The following GRID2 variants were observed in gnomAD, a reference collection of about 807,000 sequenced individuals.
GRID2 encodes glutamate ionotropic receptor delta type subunit 2, also known as glutamate receptor ionotropic, delta-2.
Under a neutral mutation model 114.8 loss-of-function variants are expected in GRID2, and 33 were observed. The observed-to-expected ratio is 0.29, with a 90% CI of 0.22 to 0.38. The LOEUF is 0.38. Ranked by LOEUF, GRID2 falls within the 10% of genes least tolerant of loss-of-function variation. GRID2 has a pLI of 1.00. For missense variants in GRID2, 1,184 were observed against 1,257.7 expected (o/e 0.94, Z 0.89); for synonymous variants, 505 against 449.9 (o/e 1.12, Z -1.55).
intron 8 of GRID2, among the ~76,000 whole-genome samples, chr4:93,257,997 TATACACACACACAC>T (rs1264093689): frequency 1.8e-4 from 3 of 16,598 alleles, no homozygotes; most frequent in African/African-American, 9.0e-4. Context: ...TATATATATA[TATACACACACACAC>T]ACACACACAC....
chr4:93,097,776 A>G (rs1245058388), intron 3 of GRID2, among the ~76,000 whole-genome samples: 1 of 151,896 alleles, frequency 6.6e-6, no homozygotes, highest in Non-Finnish European at 1.5e-5. Context: ...TCATTTTTAG[A>G]CATTGGACAT....
At chr4:92,915,083 C>T (rs560170246) in intron 2 of GRID2, among the ~76,000 whole-genome samples, 12 of 152,188 alleles carry the variant, frequency 7.9e-5, no homozygotes, top group Admixed American at 3.9e-4. Context: ...GGCACCTCTT[C>T]GCAAGGTGGC....
intron 11 of GRID2, among the ~76,000 whole-genome samples, chr4:93,461,764 G>A (rs969064661): frequency 6.6e-6 from 1 of 152,128 alleles, no homozygotes; most frequent in Admixed American, 6.5e-5. Flanking sequence ...ATGCACGAAT[G>A]AGAGACCAAT....
chr4:92,952,859 T>C (rs1041005933), intron 2 of GRID2, among the ~76,000 whole-genome samples: 1 of 152,150 alleles, frequency 6.6e-6, no homozygotes, highest in Non-Finnish European at 1.5e-5. Flanking sequence ...ACAACAAAAA[T>C]GTACTGTCTC....
At chr4:93,522,908 T>C (rs964035320) in intron 13 of GRID2, among the ~76,000 whole-genome samples, 10 of 152,142 alleles carry the variant, frequency 6.6e-5, no homozygotes, top group African/African-American at 2.2e-4. Flanking sequence ...GAGATGCTTA[T>C]GTGAATAATC....
chr4:92,858,798 C>G (rs1454520271), intron 2 of GRID2, among the ~76,000 whole-genome samples: 1 of 152,134 alleles, frequency 6.6e-6, no homozygotes, highest in Non-Finnish European at 1.5e-5. Context: ...ATCTTGTAAT[C>G]CGCCTGCCTC....
chr4:93,239,735 C>T (rs918536030), intron 8 of GRID2, among the ~76,000 whole-genome samples: 1 of 151,578 alleles, frequency 6.6e-6, no homozygotes, highest in African/African-American at 2.4e-5. Flanking sequence ...TCTCAACCCT[C>T]CCATATGCTT....
intron 10 of GRID2, among the ~76,000 whole-genome samples, chr4:93,434,346 T>G (rs567793185): frequency 6.6e-6 from 1 of 152,100 alleles, no homozygotes; most frequent in Non-Finnish European, 1.5e-5. Flanking sequence ...ATATACCTAA[T>G]GTAAATGTCG....
At chr4:92,716,734 T>C (rs1020685183) in intron 2 of GRID2, among the ~76,000 whole-genome samples, 2 of 152,202 alleles carry the variant, frequency 1.3e-5, no homozygotes, top group African/African-American at 4.8e-5. Flanking sequence ...AATCCTATTA[T>C]ACGCTTTGAG....
intron 2 of GRID2, among the ~76,000 whole-genome samples, chr4:92,819,581 C>A (rs996932147): frequency 6.6e-6 from 1 of 151,878 alleles, no homozygotes; most frequent in Non-Finnish European, 1.5e-5. Context: ...ATGTAAAATA[C>A]TTAGTATTTG....
In GRID2 at chr4:93,224,566, A is replaced by G. The variant is rs754477454; in HGVS notation, c.964-48A>G. ...CAATTATTTTTTTTCCTTATTCCTG[A>G]TGACTGGTGTCAATGATTCTAATGA... On this transcript the variant is annotated intron_variant, in intron 6 of 15. Coordinates refer to ENST00000282020, the MANE Select transcript of GRID2 (RefSeq NM_001510.4). 21 of 1,232,336 alleles carry G rather than the reference A, an allele frequency of 1.7e-5. 1 individual carries two copies. Among genetic ancestry groups the G allele is most frequent in the Non-Finnish European group, 2.5e-5 (21 of 839,632 alleles). 76.3% of individuals were successfully genotyped at this position (1,232,336 alleles called of 1,614,324 possible). A position where few individuals can be genotyped will look rare whatever the true frequency, so the allele number is the denominator to read the frequency against.
At chr4:93,332,489 G>C (rs1560509080) in intron 8 of GRID2, among the ~76,000 whole-genome samples, 1 of 151,904 alleles carries the variant, frequency 6.6e-6, no homozygotes, top group Non-Finnish European at 1.5e-5. Context: ...CTTACAACCA[G>C]AGGAGTCTAA....
chr4:92,330,596 C>T (rs993505223), intron 1 of GRID2, among the ~76,000 whole-genome samples: 9 of 151,986 alleles, frequency 5.9e-5, no homozygotes, highest in African/African-American at 1.5e-4. Flanking sequence ...TAATTGGAAA[C>T]GTCTTATTCA....
chr4:93,298,148 C>A (rs1195802865), intron 8 of GRID2, among the ~76,000 whole-genome samples: 1 of 152,178 alleles, frequency 6.6e-6, no homozygotes, highest in Non-Finnish European at 1.5e-5. Context: ...TCAGCAAACA[C>A]CATCATCATC....
chr4:92,938,086 C>T (rs1355413215), intron 2 of GRID2, among the ~76,000 whole-genome samples: 2 of 146,606 alleles, frequency 1.4e-5, no homozygotes, highest in South Asian at 2.3e-4. Context: ...GCTCTTTATG[C>T]ATGAACTGAG....
At chr4:92,768,228 G>A (rs868645344) in intron 2 of GRID2, among the ~76,000 whole-genome samples, 4 of 152,048 alleles carry the variant, frequency 2.6e-5, no homozygotes, top group African/African-American at 9.7e-5. Context: ...ATTGTTATAT[G>A]TGTGTTCCTG....
At chr4:92,374,810 G>T (rs139396406) in intron 1 of GRID2, among the ~76,000 whole-genome samples, 11 of 152,036 alleles carry the variant, frequency 7.2e-5, no homozygotes, top group African/African-American at 2.7e-4. Context: ...GTAGGGAATA[G>T]ACCTGAATCT....
At chr4:93,329,464 A>G (rs1385154302) in intron 8 of GRID2, among the ~76,000 whole-genome samples, 1 of 152,132 alleles carries the variant, frequency 6.6e-6, no homozygotes, top group Non-Finnish European at 1.5e-5. Context: ...TCAAGATCTG[A>G]GTCATGTTAT....
At chr4:93,577,437 A>C (rs1368245885) in intron 13 of GRID2, among the ~76,000 whole-genome samples, 2 of 152,218 alleles carry the variant, frequency 1.3e-5, no homozygotes, top group Admixed American at 1.3e-4. Context: ...AAGAAGAAAC[A>C]AGATGATAAT....
Sources: gnomAD v4.1 joint callset for allele counts (sites outside exome capture counted in the v4.1 genomes callset) on GRCh38, gnomAD v4.1.1 for gene constraint, MANE v1.5 for transcripts, NCBI Gene and HGNC (gene_info 2026-07-23, HGNC 2026-07-21) for gene names.